PARPBP: variants seen among roughly 807,000 people sequenced by gnomAD.
The protein encoded by PARPBP is PARP1 binding protein, also known as PCNA-interacting partner.
Under a neutral mutation model 50.0 loss-of-function variants are expected in PARPBP, and 52 were observed. That is an observed-to-expected ratio of 1.04 (90% CI 0.83 to 1.31). The LOEUF (loss-of-function observed/expected upper bound fraction) is 1.31. Ranked by LOEUF, PARPBP falls within the 50% of genes most tolerant of loss-of-function variation. The pLI, the probability that PARPBP is intolerant of heterozygous loss-of-function variation, is 0.00. For missense variants in PARPBP, 697 were observed against 672.0 expected (o/e 1.04, Z -0.41); for synonymous variants, 244 against 232.1 (o/e 1.05, Z -0.47).
intron 3 of PARPBP, chr12:102,151,627 C>G (rs1232296785): frequency 2.6e-6 from 4 of 1,535,562 alleles, no homozygotes; most frequent in Non-Finnish European, 3.5e-6. Context: ...TAGGCCAGAT[C>G]TCTTGGCTCC....
At chr12:102,149,779 A>G (rs778435236) in intron 3 of PARPBP, among the ~76,000 whole-genome samples, 1 of 152,206 alleles carries the variant, frequency 6.6e-6, no homozygotes, top group Non-Finnish European at 1.5e-5. Flanking sequence ...AGCTTCCTCA[A>G]AACATATCCG....
In PARPBP at chr12:102,125,539, G is replaced by A. The variant is rs575762895; in HGVS notation, c.153+1498G>A. Among the ~76,000 whole-genome samples, 286 of 152,248 alleles carry A rather than the reference G, an allele frequency of 1.9e-3. 1 individual carries two copies. Among genetic ancestry groups the A allele is most frequent in the African/African-American group, 6.2e-3 (259 of 41,544 alleles). ...GGAGGAGCAGGTGTAGTGGCCCTGAGGTGGCTCTATGCCTGGATGTTCCAG... is the reference window on the plus strand; with the variant it reads ...GGAGGAGCAGGTGTAGTGGCCCTGAAGTGGCTCTATGCCTGGATGTTCCAG... On this transcript the variant is annotated intron_variant, in intron 2 of 10. Coordinates refer to ENST00000327680, the MANE Select transcript of PARPBP (RefSeq NM_017915.5).
chr12:102,145,298 C>G (rs949172479), intron 2 of PARPBP, among the ~76,000 whole-genome samples: 2 of 152,050 alleles, frequency 1.3e-5, no homozygotes, highest in East Asian at 1.9e-4. Flanking sequence ...GTTGACAGAT[C>G]TTGGTGTTAG....
chr12:102,144,088 A>G (rs1037064703), intron 2 of PARPBP, among the ~76,000 whole-genome samples: 3 of 152,202 alleles, frequency 2.0e-5, no homozygotes, highest in Non-Finnish European at 1.5e-5. Context: ...CTCATTTTAT[A>G]ACCAAGGAAA....
intron 2 of PARPBP, among the ~76,000 whole-genome samples, chr12:102,136,600 C>G (rs1237897412): frequency 6.6e-6 from 1 of 152,118 alleles, no homozygotes; most frequent in Non-Finnish European, 1.5e-5. Context: ...CTTGCTAATT[C>G]ACTTAATTCA....
chr12:102,187,975 G>A (rs1490687073), intron 9 of PARPBP, among the ~76,000 whole-genome samples: 1 of 152,112 alleles, frequency 6.6e-6, no homozygotes, highest in East Asian at 1.9e-4. Context: ...ATTGTCAGCT[G>A]CTTTCTTCCC....
At chr12:102,149,321 T>C (rs967965932) in intron 3 of PARPBP, among the ~76,000 whole-genome samples, 3 of 152,236 alleles carry the variant, frequency 2.0e-5, no homozygotes, top group African/African-American at 7.2e-5. Context: ...CTCTTTTATG[T>C]AAGATGTCTA....
At chr12:102,178,468 T>G (rs1336272178) in intron 7 of PARPBP, 124 bp from the exon 8 acceptor site, 1 of 523,666 alleles carries the variant, frequency 1.9e-6, no homozygotes, top group Non-Finnish European at 3.2e-6. Context: ...CCACTTCTTA[T>G]AGCTGATGTT....
At chr12:102,159,057 A>G (rs1887277430) in intron 4 of PARPBP, among the ~76,000 whole-genome samples, 1 of 152,186 alleles carries the variant, frequency 6.6e-6, no homozygotes, top group Non-Finnish European at 1.5e-5. Context: ...ATTGGCAGCC[A>G]TCTTCCTAAC....
chr12:102,136,286 A>G (rs1389094074), intron 2 of PARPBP, among the ~76,000 whole-genome samples: 1 of 152,240 alleles, frequency 6.6e-6, no homozygotes, highest in Non-Finnish European at 1.5e-5. Flanking sequence ...CTTGGTGACC[A>G]TACACTGGAA....
At chr12:102,133,724 T>C (rs1052513877) in intron 2 of PARPBP, among the ~76,000 whole-genome samples, 4 of 152,210 alleles carry the variant, frequency 2.6e-5, no homozygotes, top group Non-Finnish European at 5.9e-5. Context: ...TTCGTCAAGA[T>C]AGATCATATG....
In PARPBP at chr12:102,196,084, A is replaced by G. The variant is rs571642639; in HGVS notation, c.1533A>G (p.Lys511=). The G allele has an allele frequency of 2.4e-5, 39 of 1,612,090 alleles. No individual in the cohort carries two copies. In the African/African-American group the frequency reaches 5.1e-4, roughly 21 times the overall value. The change falls in exon 11 of 11, where the codon AAA becomes AAG. Residue 511 remains lysine (K), a synonymous_variant. Transcript: ENST00000327680. The stretch of plus-strand genomic sequence containing the variant: ...CAGGAAATAAAAGCTCAAAAAGGAA[A>G]CAGGTGGATTTGGATGGTGAAAATA... The part of the protein sequence containing the change: ...SQTGNKSSKR[K]QVDLDGENIL...
intron 1 of PARPBP, among the ~76,000 whole-genome samples, chr12:102,122,387 G>C (rs112292580): frequency 6.6e-6 from 1 of 152,164 alleles, no homozygotes; most frequent in Non-Finnish European, 1.5e-5. Context: ...CAAGTGGCAT[G>C]TATCTTTGCT....
At chr12:102,167,941 T>C (rs1888316837) in intron 6 of PARPBP, among the ~76,000 whole-genome samples, 2 of 152,174 alleles carry the variant, frequency 1.3e-5, no homozygotes, top group Admixed American at 6.5e-5. Context: ...TGCCTTTACA[T>C]AGCCATCAGT....
intron 8 of PARPBP, among the ~76,000 whole-genome samples, chr12:102,181,434 T>C (rs61938262): frequency 0.014 from 2,075 of 152,296 alleles, 31 homozygotes; most frequent in Middle Eastern, 0.024. Context: ...CAAACCTAGA[T>C]GGTATAGCCT....
chr12:102,164,560 C>T lies in PARPBP; in HGVS notation c.618C>T (p.Phe206=). The T allele has an allele frequency of 6.2e-7, 1 of 1,613,432 alleles. No homozygotes were observed. The change falls in exon 5 of 11, where the codon TTC becomes TTT. Residue 206 remains phenylalanine (F), a synonymous_variant. Transcript: ENST00000327680. ...ATAGAGGACTAGGAAGAGAAGCCTT[C>T]ACTGATTTGAAACATGCTGCTCGAG... is the stretch of plus-strand genomic sequence containing the variant. ...IPDRGLGREA[F]TDLKHAAREK... is the part of the protein sequence containing the mutation.
chr12:102,178,851 C>A (rs190370240), intron 8 of PARPBP, 81 bp downstream of exon 8: 3 of 850,172 alleles, frequency 3.5e-6, no homozygotes, highest in Non-Finnish European at 5.2e-6. Flanking sequence ...TGGTAGGAAA[C>A]TTAGAAACTA....
chr12:102,164,035 A>G (rs1193554375), intron 4 of PARPBP, among the ~76,000 whole-genome samples: 1 of 152,076 alleles, frequency 6.6e-6, no homozygotes, highest in Non-Finnish European at 1.5e-5. Flanking sequence ...TATAGGTAAT[A>G]TTTTATAACA....
chr12:102,157,668 A>G (rs565595416), intron 4 of PARPBP, among the ~76,000 whole-genome samples: 1 of 152,302 alleles, frequency 6.6e-6, no homozygotes, highest in East Asian at 1.9e-4. Flanking sequence ...AGGTCTCTCC[A>G]GTACAAAGAT....
Sources: gnomAD v4.1 joint callset for allele counts (sites outside exome capture counted in the v4.1 genomes callset) on GRCh38, gnomAD v4.1.1 for gene constraint, MANE v1.5 for transcripts, NCBI Gene and HGNC (gene_info 2026-07-23, HGNC 2026-07-21) for gene names.